Variants in SAV1 observed in about 807,000 individuals in gnomAD.
SAV1 encodes the protein salvador family WW domain containing protein 1, also known as protein salvador homolog 1.
Under a neutral mutation model 47.3 loss-of-function variants are expected in SAV1, and 23 were observed. The observed-to-expected ratio is 0.49, with a 90% CI of 0.35 to 0.69. The LOEUF (loss-of-function observed/expected upper bound fraction) is 0.69. Ranked by LOEUF, SAV1 falls within the 30% of genes least tolerant of loss-of-function variation. The pLI is 0.01. For synonymous variants in SAV1, 155 were observed against 159.2 expected (o/e 0.97, Z 0.20); for missense variants, 448 against 457.4 (o/e 0.98, Z 0.19).
In SAV1 at chr14:50,639,644, T is replaced by A. The variant is rs187017381; in HGVS notation, c.950+1106A>T. ...TCAAAAAGACTATAATCTTCAGGAATCTGTTTCTTTCTGTAAGAAACCAGG... is the reference window on the plus strand; with the variant it reads ...TCAAAAAGACTATAATCTTCAGGAAACTGTTTCTTTCTGTAAGAAACCAGG... On this transcript the variant is annotated intron_variant, in intron 4 of 4. Transcript: ENST00000324679. Among the ~76,000 whole-genome samples, 162 of 152,212 alleles carry A rather than the reference T, an allele frequency of 1.1e-3. 1 individual carries two copies. The highest frequency in any genetic ancestry group is 4.6e-3 in the Admixed American group (71 of 15,296).
At chr14:50,658,193 A>G (rs1391327014) in intron 2 of SAV1, among the ~76,000 whole-genome samples, 2 of 152,254 alleles carry the variant, frequency 1.3e-5, no homozygotes, top group Non-Finnish European at 2.9e-5. Flanking sequence ...AAATATTTAC[A>G]CATTACCCGA....
intron 2 of SAV1, among the ~76,000 whole-genome samples, chr14:50,657,083 G>A (rs2039819567): frequency 6.8e-6 from 1 of 146,686 alleles, no homozygotes; most frequent in Admixed American, 6.9e-5. Context: ...CTGGAGGGCA[G>A]TGGCACAATC....
chr14:50,641,372 T>A (rs750473408), intron 3 of SAV1, among the ~76,000 whole-genome samples: 1 of 145,482 alleles, frequency 6.9e-6, no homozygotes, highest in Non-Finnish European at 1.5e-5. Flanking sequence ...GATCAGAACC[T>A]ATTTTAAGTC....
At chr14:50,649,607 G>A (rs554619854) in intron 2 of SAV1, among the ~76,000 whole-genome samples, 2 of 152,232 alleles carry the variant, frequency 1.3e-5, no homozygotes, top group East Asian at 1.9e-4. Flanking sequence ...TTAGCCACTA[G>A]GCAGCAAATA....
intron 2 of SAV1, chr14:50,662,843 G>A (rs1434444182): frequency 2.0e-5 from 3 of 152,180 alleles, no homozygotes; most frequent in Admixed American, 6.5e-5. Context: ...TTCTCCCTCA[G>A]CTACCAAAAA....
At chr14:50,645,282 G>C (rs2140251902) in intron 2 of SAV1, among the ~76,000 whole-genome samples, 1 of 152,162 alleles carries the variant, frequency 6.6e-6, no homozygotes, top group South Asian at 2.1e-4. Flanking sequence ...TTAACAACAG[G>C]TTGAGCATCC....
intron 2 of SAV1, among the ~76,000 whole-genome samples, chr14:50,657,554 T>C (rs187295465): frequency 6.6e-6 from 1 of 152,352 alleles, no homozygotes; most frequent in East Asian, 1.9e-4. Flanking sequence ...TTGTTATTTA[T>C]TCTTTAAAGA....
chr14:50,639,515 T>A (rs1260415518), intron 4 of SAV1, among the ~76,000 whole-genome samples: 1 of 152,170 alleles, frequency 6.6e-6, no homozygotes, highest in Non-Finnish European at 1.5e-5. Context: ...AGTAAAGAAG[T>A]ATAGTACTTG....
intron 3 of SAV1, 112 bp downstream of exon 3, chr14:50,644,632 G>A (rs1341092049): frequency 2.0e-6 from 2 of 989,560 alleles, no homozygotes; most frequent in Middle Eastern, 3.4e-4. Flanking sequence ...GAAATATAAG[G>A]CTTTCAAATC....
chr14:50,647,215 G>C (rs1031382287), intron 2 of SAV1, among the ~76,000 whole-genome samples: 5 of 152,000 alleles, frequency 3.3e-5, no homozygotes, highest in Non-Finnish European at 7.4e-5. Context: ...GATGCTGAAA[G>C]TTCAACTCAT....
rs1448330913 is a variant in SAV1 at position 50,633,694 on chromosome 14, G to A, written c.*1489C>T. On this transcript the variant is annotated 3_prime_UTR_variant, in exon 5 of 5. Coordinates refer to ENST00000324679, the MANE Select transcript of SAV1 (RefSeq NM_021818.4). ...TATATAAAATCAAACACTTAACATTGTCAACATTTCTTCAGTTATTCAAAC... is the reference window on the plus strand; with the variant it reads ...TATATAAAATCAAACACTTAACATTATCAACATTTCTTCAGTTATTCAAAC... 1 of 152,610 alleles carries A rather than the reference G, an allele frequency of 6.6e-6. No homozygotes were observed. The highest frequency in any genetic ancestry group is 1.5e-5 in the Non-Finnish European group (1 of 68,094). The allele number at this position is 152,610 out of a possible 1,614,324, so 9.5% of individuals were successfully genotyped here.
chr14:50,666,065 C>G (rs2039899416), intron 1 of SAV1, among the ~76,000 whole-genome samples: 1 of 152,138 alleles, frequency 6.6e-6, no homozygotes, highest in Non-Finnish European at 1.5e-5. Context: ...GAAGCAAACA[C>G]AATTTCAAAA....
At chr14:50,646,040 C>T (rs2039718529) in intron 2 of SAV1, among the ~76,000 whole-genome samples, 1 of 152,094 alleles carries the variant, frequency 6.6e-6, no homozygotes, top group Non-Finnish European at 1.5e-5. Context: ...GATGTCAATT[C>T]TCCTGAAATT....
rs2039674384 is a variant in SAV1, at chr14:50,640,742, G to A, written c.950+8C>T. The A allele has an allele frequency of 6.2e-7, 1 of 1,610,036 alleles. No homozygotes were observed. The highest frequency in any genetic ancestry group is 1.3e-5 in the African/African-American group (1 of 74,908). ...CCTCAAACAAATTTGTGTTGTAAAT[G>A]TACTTACTTCACAGGGGCTCGTGCG... is the stretch of plus-strand genomic sequence containing the variant. On this transcript the variant is annotated splice_region_variant and intron_variant, in intron 4 of 4. Transcript: ENST00000324679.
intron 2 of SAV1, among the ~76,000 whole-genome samples, chr14:50,649,480 G>A (rs1485074352): frequency 6.6e-6 from 1 of 152,184 alleles, no homozygotes; most frequent in Non-Finnish European, 1.5e-5. Flanking sequence ...ACACATCAAT[G>A]AGACAGAAAC....
intron 2 of SAV1, among the ~76,000 whole-genome samples, chr14:50,652,629 C>A (rs2039778447): frequency 6.6e-6 from 1 of 152,176 alleles, no homozygotes; most frequent in Admixed American, 6.5e-5. Context: ...ATAATTAAAA[C>A]TAAGTATAAA....
intron 2 of SAV1, among the ~76,000 whole-genome samples, chr14:50,659,714 T>C (rs1303995101): frequency 6.6e-6 from 1 of 152,050 alleles, no homozygotes; most frequent in African/African-American, 2.4e-5. Context: ...GGTGTGGTGG[T>C]GCATGCCTGT....
rs2039615485 is a variant in SAV1, at chr14:50,634,476, G to A, written c.*707C>T. 1 of 191,642 alleles carries A rather than the reference G, an allele frequency of 5.2e-6. No homozygotes were observed. Among genetic ancestry groups the A allele is most frequent in the Admixed American group, 5.5e-5 (1 of 18,198 alleles). The allele number at this position is 191,642 out of a possible 1,614,324, so 11.9% of individuals were successfully genotyped here. A position where few individuals can be genotyped will look rare whatever the true frequency, so the allele number is the denominator to read the frequency against. ...CCATCCTCTGACCTCAGCCTCCCAA[G>A]TAGCTGGGACTAGAGGCACACACCA... On this transcript the variant is annotated 3_prime_UTR_variant, in exon 5 of 5. Coordinates refer to ENST00000324679, the MANE Select transcript of SAV1 (RefSeq NM_021818.4).
At chr14:50,663,841 T>C (rs1213371881) in intron 2 of SAV1, among the ~76,000 whole-genome samples, 5 of 152,350 alleles carry the variant, frequency 3.3e-5, no homozygotes, top group Non-Finnish European at 7.3e-5. Context: ...TTGACTCAAA[T>C]CTAAGCCTAT....
Sources: allele counts gnomAD v4.1 joint callset (sites outside exome capture counted in the v4.1 genomes callset), GRCh38; gene constraint gnomAD v4.1.1; transcripts MANE v1.5; gene names NCBI Gene and HGNC (gene_info 2026-07-23, HGNC 2026-07-21).